KDM4C: variants seen among roughly 807,000 people sequenced by gnomAD.
The protein encoded by KDM4C is lysine demethylase 4C.
Under a neutral mutation model 129.3 loss-of-function variants are expected in KDM4C, and 81 were observed. The ratio of observed to expected loss-of-function variants is 0.63; its 90% CI spans 0.52 to 0.75. The LOEUF is 0.75. Among genes scored for constraint, KDM4C ranks in the 30% least tolerant of loss-of-function variants. KDM4C has a pLI of 0.00. For missense variants in KDM4C, 1,457 were observed against 1,304.0 expected (o/e 1.12, Z -1.81); for synonymous variants, 573 against 456.1 (o/e 1.26, Z -3.26).
chr9:7,150,688 A>C (rs1842649017), intron 19 of KDM4C, among the ~76,000 whole-genome samples: 1 of 152,164 alleles, frequency 6.6e-6, no homozygotes. Flanking sequence ...CCTCCCCTGC[A>C]GGCCCTTTTG....
intron 14 of KDM4C, among the ~76,000 whole-genome samples, chr9:7,015,042 A>G (rs1183907256): frequency 1.3e-5 from 2 of 152,066 alleles, no homozygotes; most frequent in Admixed American, 6.6e-5. Flanking sequence ...GCAGCTATGC[A>G]GTGTAGCCAT....
At chr9:7,135,291 T>G (rs1326102081) in intron 19 of KDM4C, among the ~76,000 whole-genome samples, 4 of 152,166 alleles carry the variant, frequency 2.6e-5, no homozygotes, top group Admixed American at 2.6e-4. Context: ...GGTATTTCTC[T>G]TATTTTCTGT....
At chr9:6,896,050 T>C (rs1816378154) in intron 8 of KDM4C, among the ~76,000 whole-genome samples, 1 of 152,204 alleles carries the variant, frequency 6.6e-6, no homozygotes, top group African/African-American at 2.4e-5. Context: ...ATGAATTTAC[T>C]GTGTTGCATG....
chr9:6,961,428 C>T (rs910824098), intron 8 of KDM4C, among the ~76,000 whole-genome samples: 1 of 151,990 alleles, frequency 6.6e-6, no homozygotes, highest in African/African-American at 2.4e-5. Flanking sequence ...GAAAGGTATC[C>T]ACCTACTTTC....
Position 6,859,590 on chromosome 9 carries a change from G to A in KDM4C, c.629+9890G>A, listed in dbSNP as rs555110201. Among the ~76,000 whole-genome samples, 29 of 148,478 alleles carry A rather than the reference G, an allele frequency of 2.0e-4. 1 individual carries two copies. The highest frequency in any genetic ancestry group is 3.0e-4 in the Non-Finnish European group (20 of 67,214). On this transcript the variant is annotated intron_variant, in intron 5 of 21. Transcript: ENST00000381309. ...TTTTAAAACTGAGGACTGGCTGGGCGCGGTGGCTCACGCCTGTAATCCAGC... is the reference window on the plus strand; with the variant it reads ...TTTTAAAACTGAGGACTGGCTGGGCACGGTGGCTCACGCCTGTAATCCAGC...
At chr9:6,751,875 A>C (rs1002990035) in intron 1 of KDM4C, among the ~76,000 whole-genome samples, 1 of 152,180 alleles carries the variant, frequency 6.6e-6, no homozygotes, top group African/African-American at 2.4e-5. Flanking sequence ...GAAATATTAA[A>C]ATCAGTGAAT....
At chr9:7,000,083 T>G (rs1296283949) in intron 12 of KDM4C, among the ~76,000 whole-genome samples, 3 of 152,156 alleles carry the variant, frequency 2.0e-5, no homozygotes, top group African/African-American at 7.2e-5. Flanking sequence ...CACAAAACAT[T>G]AGATGTTGTT....
chr9:6,792,892 G>A, intron 1 of KDM4C, 80 bp from the exon 2 acceptor site: 1 of 1,369,604 alleles, frequency 7.3e-7, no homozygotes, highest in South Asian at 1.2e-5. Context: ...TCCTGCTGGG[G>A]GAGCTGACAT....
At chr9:6,805,822 A>G (rs1222400299) in intron 3 of KDM4C, 48 bp downstream of exon 3, 3 of 1,534,182 alleles carry the variant, frequency 2.0e-6, no homozygotes, top group South Asian at 2.5e-5. Context: ...AGATTTATGT[A>G]AATATGTTAA....
chr9:6,991,000 C>G (rs1012961777), intron 12 of KDM4C, among the ~76,000 whole-genome samples: 1 of 152,122 alleles, frequency 6.6e-6, no homozygotes, highest in Admixed American at 6.5e-5. Context: ...TTCACTAGAT[C>G]GCTGTGATGC....
At chr9:6,945,270 T>C (rs1826758737) in intron 8 of KDM4C, among the ~76,000 whole-genome samples, 1 of 152,166 alleles carries the variant, frequency 6.6e-6, no homozygotes, top group Non-Finnish European at 1.5e-5. Context: ...TGAATATAAT[T>C]TATCTTTTTT....
At chr9:6,924,466 C>A (rs1013732167) in intron 8 of KDM4C, among the ~76,000 whole-genome samples, 1 of 152,198 alleles carries the variant, frequency 6.6e-6, no homozygotes, top group Non-Finnish European at 1.5e-5. Flanking sequence ...GTTGGACTTG[C>A]CTCACACCAT....
chr9:6,750,881 C>T (rs1264707856), intron 1 of KDM4C, among the ~76,000 whole-genome samples: 5 of 152,166 alleles, frequency 3.3e-5, no homozygotes, highest in Non-Finnish European at 7.3e-5. Context: ...GCTCTTGTGG[C>T]TGCATTCAGT....
At chr9:7,033,413 C>CT (rs1827115892) in intron 15 of KDM4C, among the ~76,000 whole-genome samples, 1 of 152,166 alleles carries the variant, frequency 6.6e-6, no homozygotes, top group African/African-American at 2.4e-5. Context: ...TTCAAAATCA[C>CT]CTCTTGCCTC....
chr9:7,075,766 G>C (rs1833837095), intron 17 of KDM4C, among the ~76,000 whole-genome samples: 1 of 151,982 alleles, frequency 6.6e-6, no homozygotes, highest in South Asian at 2.1e-4. Flanking sequence ...GAAGAAAAGA[G>C]GGAGACTCCA....
At position 6,943,561 on chromosome 9, in the gene KDM4C, G is replaced by C. The variant is rs1336210040; in HGVS notation, c.922-37364G>C. ...ATGGTGGCGTGTGCCTCTGGTCCTG[G>C]CTACTTGGGAGGCTGAGGTGGGAAG... On this transcript the variant is annotated intron_variant, in intron 8 of 21. Coordinates refer to ENST00000381309, the MANE Select transcript of KDM4C (RefSeq NM_015061.6). Among the ~76,000 whole-genome samples the C allele has an allele frequency of 3.9e-5, 6 of 152,034 alleles. No homozygotes were observed. In the South Asian group the frequency reaches 6.2e-4, roughly 16 times the overall value.
At position 6,733,776 on chromosome 9, in the gene KDM4C, T is replaced by C. The variant is rs115704210; in HGVS notation, c.49+12779T>C. Among the ~76,000 whole-genome samples, 1,444 of 152,318 alleles carry C rather than the reference T, an allele frequency of 9.5e-3. 22 individuals are homozygous for C. The highest frequency in any genetic ancestry group is 0.033 in the African/African-American group (1,374 of 41,564). On this transcript the variant is annotated intron_variant, in intron 1 of 17. Coordinates refer to the KDM4C transcript ENST00000536108. The stretch of plus-strand genomic sequence containing the variant: ...GCAGCCCCAAGGGCTGCTGGTTGTC[T>C]ATTTTTATGGTTGTTTTTTGATGGT...
chr9:7,081,462 G>T (rs1361567159), intron 17 of KDM4C, among the ~76,000 whole-genome samples: 1 of 152,202 alleles, frequency 6.6e-6, no homozygotes, highest in African/African-American at 2.4e-5. Context: ...CACCGTGTGT[G>T]AGGAACAGCA....
At chr9:7,023,303 C>A (rs181065645) in intron 15 of KDM4C, among the ~76,000 whole-genome samples, 21 of 152,160 alleles carry the variant, frequency 1.4e-4, no homozygotes, top group Admixed American at 1.2e-3. Flanking sequence ...TTTATTATGG[C>A]TTTGATCTCA....
Sources: allele counts gnomAD v4.1 joint callset (sites outside exome capture counted in the v4.1 genomes callset), GRCh38; gene constraint gnomAD v4.1.1; transcripts MANE v1.5; gene names NCBI Gene and HGNC (gene_info 2026-07-23, HGNC 2026-07-21).